Variants in GRIK3 observed in about 807,000 individuals in gnomAD.
GRIK3 encodes the protein glutamate ionotropic receptor kainate type subunit 3.
A neutral mutation model predicts 102.5 loss-of-function variants in GRIK3; 29 were observed. That is an observed-to-expected ratio of 0.28 (90% CI 0.21 to 0.39). GRIK3 has a LOEUF of 0.39. GRIK3 is among the 10% of genes least tolerant of loss of function. The pLI, the probability that GRIK3 is intolerant of heterozygous loss-of-function variation, is 1.00. For missense variants in GRIK3, 908 were observed against 1,252.4 expected (o/e 0.73, Z 4.15); for synonymous variants, 511 against 504.9 (o/e 1.01, Z -0.16).
intron 1 of GRIK3, among the ~76,000 whole-genome samples, chr1:36,989,507 T>G (rs1470667561): frequency 6.6e-6 from 1 of 152,198 alleles, no homozygotes. Context: ...TTACCCTGAT[T>G]GCCGCCAAGC....
chr1:36,841,510 T>C (rs1224851247), intron 10 of GRIK3, among the ~76,000 whole-genome samples: 2 of 152,214 alleles, frequency 1.3e-5, no homozygotes, highest in Non-Finnish European at 2.9e-5. Flanking sequence ...CATCTGTGTG[T>C]GTACGGAGGA....
At chr1:36,889,773 G>C (rs760913399) in intron 2 of GRIK3, among the ~76,000 whole-genome samples, 10 of 152,190 alleles carry the variant, frequency 6.6e-5, no homozygotes, top group Non-Finnish European at 1.3e-4. Context: ...CCACTAGGGA[G>C]TCATTGTATT....
rs1268975599 is a variant in GRIK3 at position 36,836,186 on chromosome 1, C to T, written c.1530+5550G>A. Reference sequence around the variant, plus strand: ...CCACACAAACAAGGGTATGAGGCTCCTCCTGACACCCATGCATGCGGGCCA... The same window carrying T: ...CCACACAAACAAGGGTATGAGGCTCTTCCTGACACCCATGCATGCGGGCCA... On this transcript the variant is annotated intron_variant, in intron 10 of 15. Transcript: ENST00000373091. Among the ~76,000 whole-genome samples the T allele has an allele frequency of 1.3e-5, 2 of 152,242 alleles. 1 individual carries two copies. The highest frequency in any genetic ancestry group is 2.9e-5 in the Non-Finnish European group (2 of 68,052).
chr1:36,862,164 C>T (rs1314482350), intron 5 of GRIK3, among the ~76,000 whole-genome samples: 1 of 152,138 alleles, frequency 6.6e-6, no homozygotes, highest in East Asian at 1.9e-4. Flanking sequence ...TCACACTGGC[C>T]AGTGGGAGCT....
Position 36,961,399 on chromosome 1 carries a change from A to AG in GRIK3, c.116-70304dup, listed in dbSNP as rs200272416. The stretch of plus-strand genomic sequence containing the variant: ...CTGATTAGCATAATTATCCCATCAG[A>AG]GGAAAAAAAAGCAGAAGAGAGAGGA... On this transcript the variant is annotated intron_variant, in intron 1 of 15. Coordinates refer to ENST00000373091, the MANE Select transcript of GRIK3 (RefSeq NM_000831.4). Among the ~76,000 whole-genome samples, 108 of 71,330 alleles carry AG rather than the reference A, an allele frequency of 1.5e-3. 1 individual carries two copies. The highest frequency in any genetic ancestry group is 7.9e-4 in the Non-Finnish European group (30 of 38,120). The allele number at this position is 71,330 out of a possible 152,430, so 46.8% of individuals were successfully genotyped here.
chr1:36,888,770 T>A (rs143127760), intron 2 of GRIK3, among the ~76,000 whole-genome samples: 12 of 152,084 alleles, frequency 7.9e-5, no homozygotes, highest in African/African-American at 2.7e-4. Flanking sequence ...TTTCCCACCA[T>A]CCTTCAAAAC....
intron 5 of GRIK3, among the ~76,000 whole-genome samples, chr1:36,862,539 C>T (rs3767049): frequency 0.82 from 125,329 of 152,182 alleles, 53,521 homozygotes; most frequent in Non-Finnish European, 0.94. Flanking sequence ...AGCGATTACT[C>T]GTGACTGAGA....
intron 1 of GRIK3, among the ~76,000 whole-genome samples, chr1:36,958,900 CTTGTGACTCTGTGCCCCA>C (rs1641961511): frequency 8.5e-6 from 1 of 117,694 alleles, no homozygotes; most frequent in Admixed American, 8.3e-5. Flanking sequence ...GAGTCTGTGC[CTTGTGACTCTGTGCCCCA>C]TGAGCCTGTG....
chr1:36,887,570 CA>C (rs1413281510), intron 2 of GRIK3, among the ~76,000 whole-genome samples: 1 of 151,850 alleles, frequency 6.6e-6, no homozygotes, highest in African/African-American at 2.4e-5. Flanking sequence ...GTCTGGCCAA[CA>C]TGATGAAACC....
intron 1 of GRIK3, among the ~76,000 whole-genome samples, chr1:36,937,965 T>C (rs896657141): frequency 6.6e-6 from 1 of 152,220 alleles, no homozygotes; most frequent in African/African-American, 2.4e-5. Flanking sequence ...CTTTATACAT[T>C]CTTTTGGTTA....
intron 10 of GRIK3, among the ~76,000 whole-genome samples, chr1:36,836,062 C>G (rs1640374445): frequency 6.6e-6 from 1 of 152,214 alleles, no homozygotes; most frequent in Non-Finnish European, 1.5e-5. Flanking sequence ...CCTGTCCCCT[C>G]CAGGATTCTG....
At chr1:36,938,947 G>A (rs1641689186) in intron 1 of GRIK3, among the ~76,000 whole-genome samples, 1 of 152,292 alleles carries the variant, frequency 6.6e-6, no homozygotes, top group South Asian at 2.1e-4. Context: ...TGATTCACCG[G>A]GAAAAGCAGA....
intron 1 of GRIK3, among the ~76,000 whole-genome samples, chr1:37,004,510 C>T (rs1642511431): frequency 6.6e-6 from 1 of 152,140 alleles, no homozygotes. Flanking sequence ...CTTTCCTGCC[C>T]CTTGCCCAAA....
At chr1:36,838,744 T>C (rs1282082697) in intron 10 of GRIK3, among the ~76,000 whole-genome samples, 3 of 152,164 alleles carry the variant, frequency 2.0e-5, no homozygotes, top group African/African-American at 7.2e-5. Context: ...AGATCCCTAA[T>C]AAGGAAGTAA....
At chr1:36,856,452 G>A (rs888956865) in intron 7 of GRIK3, among the ~76,000 whole-genome samples, 1 of 152,146 alleles carries the variant, frequency 6.6e-6, no homozygotes, top group Non-Finnish European at 1.5e-5. Flanking sequence ...TCTGAACTCC[G>A]GCCTGGTATT....
At chr1:36,830,810 CAAAAAAAA>C (rs948901521) in intron 10 of GRIK3, among the ~76,000 whole-genome samples, 11 of 41,352 alleles carry the variant, frequency 2.7e-4, no homozygotes, top group Non-Finnish European at 5.1e-4. Context: ...GACTCTGTCT[CAAAAAAAA>C]AAAAAAAAAA....
chr1:36,915,363 C>T (rs1365573330), intron 1 of GRIK3, among the ~76,000 whole-genome samples: 1 of 152,174 alleles, frequency 6.6e-6, no homozygotes. Context: ...CTCTCCAGTG[C>T]CTAGAACAAG....
At chr1:37,024,982 A>T (rs758063944) in intron 1 of GRIK3, among the ~76,000 whole-genome samples, 4 of 152,164 alleles carry the variant, frequency 2.6e-5, no homozygotes, top group Non-Finnish European at 5.9e-5. Flanking sequence ...AGACTTAGAG[A>T]AAGTAAGTGA....
chr1:37,008,956 G>A (rs980147598), intron 1 of GRIK3, among the ~76,000 whole-genome samples: 2 of 152,078 alleles, frequency 1.3e-5, no homozygotes, highest in African/African-American at 4.8e-5. Flanking sequence ...TAAGACCACG[G>A]ACTCTGAAGC....
Sources: gnomAD v4.1 joint callset for allele counts (sites outside exome capture counted in the v4.1 genomes callset) on GRCh38, gnomAD v4.1.1 for gene constraint, MANE v1.5 for transcripts, NCBI Gene and HGNC (gene_info 2026-07-23, HGNC 2026-07-21) for gene names.